The following PIGK variants were observed in gnomAD, a reference collection of about 807,000 sequenced individuals.
PIGK encodes phosphatidylinositol glycan anchor biosynthesis class K.
In PIGK, 42 loss-of-function variants were observed where a neutral mutation model predicts 50.6. The ratio of observed to expected loss-of-function variants is 0.83; its 90% CI spans 0.65 to 1.07. The LOEUF (loss-of-function observed/expected upper bound fraction) is 1.07, where lower values mean the gene tolerates loss of function less well. Ranked by LOEUF, PIGK falls within the 50% of genes least tolerant of loss-of-function variation. The pLI is 0.00. For synonymous variants in PIGK, 151 were observed against 156.0 expected, an observed-to-expected ratio of 0.97 and a Z score of 0.24; for missense variants, 448 against 488.7, an observed-to-expected ratio of 0.92 and a Z score of 0.78.
At chr1:77,152,693 A>G (rs1458215775) in intron 9 of PIGK, among the ~76,000 whole-genome samples, 2 of 152,028 alleles carry the variant, frequency 1.3e-5, no homozygotes, top group Non-Finnish European at 2.9e-5. Context: ...AAACAAAAAA[A>G]CAAAAAAAAT....
intron 10 of PIGK, among the ~76,000 whole-genome samples, chr1:77,092,701 T>C: frequency 6.6e-6 from 1 of 152,006 alleles, no homozygotes; most frequent in East Asian, 1.9e-4. Flanking sequence ...CAAAGATCAG[T>C]TTCAGCTTAT....
At chr1:77,180,824 C>T (rs904885481) in intron 3 of PIGK, among the ~76,000 whole-genome samples, 3 of 152,066 alleles carry the variant, frequency 2.0e-5, no homozygotes, top group African/African-American at 7.2e-5. Flanking sequence ...TTTATCTCAG[C>T]GAGCAGAGGG....
intron 1 of PIGK, among the ~76,000 whole-genome samples, chr1:77,216,037 T>C (rs563944309): frequency 2.0e-5 from 3 of 152,232 alleles, no homozygotes; most frequent in South Asian, 2.1e-4. Flanking sequence ...AGAGTAACTA[T>C]AGTAAACAAT....
intron 3 of PIGK, among the ~76,000 whole-genome samples, chr1:77,181,913 T>C (rs929498764): frequency 3.3e-5 from 5 of 152,234 alleles, no homozygotes; most frequent in Non-Finnish European, 7.3e-5. Context: ...ACCAATGCAC[T>C]GTGAAATTCA....
intron 3 of PIGK, among the ~76,000 whole-genome samples, chr1:77,190,722 G>A (rs1329513699): frequency 6.6e-6 from 1 of 152,202 alleles, no homozygotes. Context: ...ATTCTAGACA[G>A]TCTCCAATTA....
rs1655303508 is a variant in PIGK, at chr1:77,169,309, T to G, written c.326A>C (p.Glu109Ala). 6.3e-7 allele frequency: 1 copy of G among 1,594,478 alleles called. No individual in the cohort carries two copies. Among genetic ancestry groups the G allele is most frequent in the Admixed American group, 1.7e-5 (1 of 58,450 alleles). Reference protein sequence around the residue: ...PATVFSHKNMELNVYGDDVEV... With the variant: ...PATVFSHKNMALNVYGDDVEV... ...CACATCATCTCCATACACATTTAGT[T>G]CCATATTCTTGTGACTAAACACTGT... is the stretch of plus-strand genomic sequence containing the variant. Residue 109 changes from glutamate to alanine, a missense_variant, in exon 4 of 11, where the codon GAA becomes GCA. Coordinates refer to ENST00000370812, the MANE Select transcript of PIGK (RefSeq NM_005482.3).
chr1:77,163,787 G>C (rs537859101), intron 6 of PIGK, 59 bp downstream of exon 6: 6 of 879,560 alleles, frequency 6.8e-6, no homozygotes, highest in Non-Finnish European at 1.1e-5. Context: ...ACAAATCTAC[G>C]AACCATGTGA....
At chr1:77,114,815 A>G (rs1434404687) in intron 10 of PIGK, among the ~76,000 whole-genome samples, 2 of 152,176 alleles carry the variant, frequency 1.3e-5, no homozygotes, top group Admixed American at 1.3e-4. Flanking sequence ...TACTTGCCTT[A>G]TCACTTGAAT....
chr1:77,147,026 T>G (rs188226564), intron 9 of PIGK, among the ~76,000 whole-genome samples: 84 of 150,198 alleles, frequency 5.6e-4, no homozygotes, highest in African/African-American at 2.0e-3. Context: ...TTCACACTGC[T>G]GACAAAGACA....
intron 10 of PIGK, among the ~76,000 whole-genome samples, chr1:77,112,056 A>G (rs1653860600): frequency 1.3e-5 from 2 of 152,072 alleles, no homozygotes; most frequent in Non-Finnish European, 2.9e-5. Flanking sequence ...AAGAATGATC[A>G]GAAATTATAA....
intron 10 of PIGK, among the ~76,000 whole-genome samples, chr1:77,096,881 CTT>C (rs141858558): frequency 3.2e-5 from 4 of 124,310 alleles, no homozygotes; most frequent in Admixed American, 7.8e-5. Context: ...TCGGGTTTTT[CTT>C]TTTTTTTTTT....
intron 10 of PIGK, among the ~76,000 whole-genome samples, chr1:77,115,036 T>A (rs1202552583): frequency 1.3e-5 from 2 of 152,196 alleles, no homozygotes; most frequent in African/African-American, 4.8e-5. Context: ...TTCTACTTGA[T>A]AGACATTTCA....
intron 9 of PIGK, among the ~76,000 whole-genome samples, chr1:77,134,047 T>G (rs1038542664): frequency 7.2e-5 from 11 of 152,222 alleles, no homozygotes; most frequent in Admixed American, 6.5e-4. Context: ...CATTATAGTA[T>G]GAAAGCAGCC....
At chr1:77,157,314 T>A (rs1222493636) in intron 8 of PIGK, among the ~76,000 whole-genome samples, 5 of 152,170 alleles carry the variant, frequency 3.3e-5, no homozygotes. Context: ...TAGTCATCAT[T>A]AAATCTTAAA....
chr1:77,195,384 G>A (rs949700053), intron 3 of PIGK: 140 of 1,192,808 alleles, frequency 1.2e-4, no homozygotes, highest in Non-Finnish European at 1.5e-4. Flanking sequence ...ACATCAGCAC[G>A]CAGAGTGCTA....
chr1:77,177,124 C>T (rs1655504939), intron 3 of PIGK, among the ~76,000 whole-genome samples: 1 of 152,210 alleles, frequency 6.6e-6, no homozygotes, highest in South Asian at 2.1e-4. Flanking sequence ...AAAGCTCTCC[C>T]ATCCAAGTGG....
intron 3 of PIGK, among the ~76,000 whole-genome samples, chr1:77,190,438 A>G (rs796334027): frequency 2.0e-5 from 3 of 152,184 alleles, no homozygotes; most frequent in African/African-American, 7.2e-5. Flanking sequence ...GGATTTAATG[A>G]TATGTTTTTG....
intron 9 of PIGK, chr1:77,128,996 G>A (rs1048662103): frequency 4.4e-5 from 29 of 658,770 alleles, no homozygotes; most frequent in Non-Finnish European, 7.4e-5. Flanking sequence ...TTTCAGTGTT[G>A]CACTATAACA....
chr1:77,167,079 T>C (rs1655251231), intron 4 of PIGK, among the ~76,000 whole-genome samples: 1 of 152,228 alleles, frequency 6.6e-6, no homozygotes, highest in Non-Finnish European at 1.5e-5. Context: ...TGGTGGCTCA[T>C]GCCTATCAAC....
Sources: allele counts gnomAD v4.1 joint callset (sites outside exome capture counted in the v4.1 genomes callset), GRCh38; gene constraint gnomAD v4.1.1; transcripts MANE v1.5; gene names NCBI Gene and HGNC (gene_info 2026-07-23, HGNC 2026-07-21).